The following ZNF644 variants were observed in gnomAD, a reference collection of about 807,000 sequenced individuals.
ZNF644 encodes the protein zinc finger motif enhancer binding protein 2.
In ZNF644, 20 loss-of-function variants were observed where a neutral mutation model predicts 108.0. That is an observed-to-expected ratio of 0.19 (90% CI 0.13 to 0.27). The LOEUF (loss-of-function observed/expected upper bound fraction) is 0.27, where lower values mean the gene tolerates loss of function less well. ZNF644 is among the 10% of genes least tolerant of loss of function. The probability of loss-of-function intolerance (pLI) is 1.00; values close to 1 mark genes in which losing one functional copy is unlikely to be tolerated. For synonymous variants in ZNF644, 542 were observed against 539.1 expected, an observed-to-expected ratio of 1.01 and a Z score of -0.08; for missense variants, 1,338 against 1,548.9, an observed-to-expected ratio of 0.86 and a Z score of 2.29.
chr1:90,935,657 T>A, intron 4 of ZNF644: 1 of 569,362 alleles, frequency 1.8e-6, no homozygotes, highest in Non-Finnish European at 2.2e-6. Context: ...TAGGTTAACT[T>A]AAAATAAGGA....
intron 1 of ZNF644, among the ~76,000 whole-genome samples, chr1:90,993,808 GACA>G (rs1198902696): frequency 2.0e-5 from 3 of 152,098 alleles, no homozygotes; most frequent in Non-Finnish European, 4.4e-5. Flanking sequence ...ATTGTTCCTA[GACA>G]ACTTTACTGG....
intron 4 of ZNF644, among the ~76,000 whole-genome samples, chr1:90,937,013 G>A (rs1651390124): frequency 6.6e-6 from 1 of 152,158 alleles, no homozygotes; most frequent in South Asian, 2.1e-4. Context: ...TCAGCTTTAA[G>A]AGTCTGTTTT....
At chr1:90,923,055 T>C (rs527594000) in intron 4 of ZNF644, among the ~76,000 whole-genome samples, 17 of 152,256 alleles carry the variant, frequency 1.1e-4, no homozygotes, top group African/African-American at 2.4e-4. Flanking sequence ...AGAAAGCCAA[T>C]TGCTGAGAAG....
intron 1 of ZNF644, among the ~76,000 whole-genome samples, chr1:91,017,235 C>T (rs954303122): frequency 9.9e-5 from 15 of 152,214 alleles, no homozygotes; most frequent in African/African-American, 3.1e-4. Flanking sequence ...AACCCAGCTT[C>T]AATTCTACCA....
At position 90,969,684 on chromosome 1, in the gene ZNF644, T is replaced by C. The variant is rs1655266048; in HGVS notation, c.44+12626A>G. Among the ~76,000 whole-genome samples the C allele has an allele frequency of 2.0e-5, 3 of 152,324 alleles. No individual in the cohort carries two copies. The East Asian group carries it at 5.8e-4, about 29-fold the overall frequency. ...ATCAACTGTCTAGGTATCGTAGTGC[T>C]TGTGCTAAGTAAACCTTACTTTACT... On this transcript the variant is annotated intron_variant, in intron 2 of 5. Coordinates refer to ENST00000337393, the MANE Select transcript of ZNF644 (RefSeq NM_201269.3).
chr1:90,945,818 G>A (rs866146781), intron 2 of ZNF644, among the ~76,000 whole-genome samples: 1 of 151,974 alleles, frequency 6.6e-6, no homozygotes, highest in African/African-American at 2.4e-5. Context: ...TTGCAAGTAG[G>A]TTAACATTTT....
At position 90,987,267 on chromosome 1, in the gene ZNF644, T is replaced by TAA. The variant is rs376546432; in HGVS notation, c.-17-4899_-17-4898dup. Among the ~76,000 whole-genome samples, 249 of 108,802 alleles carry TAA rather than the reference T, an allele frequency of 2.3e-3. 2 individuals are homozygous for TAA. The highest frequency in any genetic ancestry group is 7.7e-3 in the African/African-American group (229 of 29,698). The allele number at this position is 108,802 out of a possible 152,430, so 71.4% of individuals were successfully genotyped here. A position where few individuals can be genotyped will look rare whatever the true frequency, so the allele number is the denominator to read the frequency against. On this transcript the variant is annotated intron_variant, in intron 1 of 5. Transcript: ENST00000337393. ...GTTGGTTTTTTTTTTTTTTTTTTTT[T>TAA]AAAAAAAGATCAACAAAATCAATAA...
intron 4 of ZNF644, chr1:90,935,488 G>A (rs1651217442): frequency 2.0e-6 from 2 of 985,714 alleles, no homozygotes; most frequent in Non-Finnish European, 1.2e-6. Flanking sequence ...ACTTGTAAAC[G>A]TCGTATTGCA....
At chr1:90,972,248 A>AG (rs1246272763) in intron 2 of ZNF644, among the ~76,000 whole-genome samples, 1 of 152,232 alleles carries the variant, frequency 6.6e-6, no homozygotes, top group East Asian at 1.9e-4. Flanking sequence ...GTTATCTAAC[A>AG]AGGGATTAAT....
chr1:90,916,684 T>TC lies in ZNF644; in HGVS notation c.*113dup. The TC allele has an allele frequency of 3.5e-6, 4 of 1,139,394 alleles. No homozygotes were observed. The highest frequency in any genetic ancestry group is 3.9e-6 in the Non-Finnish European group (3 of 774,942). The allele number at this position is 1,139,394 out of a possible 1,614,324, so 70.6% of individuals were successfully genotyped here. On this transcript the variant is annotated 3_prime_UTR_variant, in exon 6 of 6. Transcript: ENST00000337393. ...GCTCTGATGTCACTGTAATTCACTT[T>TC]CCCCCCATTTTCCTGCTTTAGTATT...
At chr1:91,000,429 T>G (rs1180876617) in intron 1 of ZNF644, among the ~76,000 whole-genome samples, 1 of 152,182 alleles carries the variant, frequency 6.6e-6, no homozygotes, top group Non-Finnish European at 1.5e-5. Flanking sequence ...AACCTGCTCC[T>G]GAATAACTAT....
At chr1:90,930,294 C>T (rs1035857372) in intron 4 of ZNF644, among the ~76,000 whole-genome samples, 2 of 152,122 alleles carry the variant, frequency 1.3e-5, no homozygotes, top group Non-Finnish European at 2.9e-5. Context: ...CTCACACACA[C>T]ACACACAAAA....
At chr1:90,958,088 CGAGAA>C (rs1653929735) in intron 2 of ZNF644, among the ~76,000 whole-genome samples, 1 of 151,322 alleles carries the variant, frequency 6.6e-6, no homozygotes, top group Admixed American at 6.6e-5. Context: ...TGGCCAACAG[CGAGAA>C]ACCCTGTCTC....
At chr1:91,004,433 A>C (rs1659212754) in intron 1 of ZNF644, among the ~76,000 whole-genome samples, 1 of 152,232 alleles carries the variant, frequency 6.6e-6, no homozygotes, top group South Asian at 2.1e-4. Context: ...AGACTCGACC[A>C]TGAATTCTAC....
intron 2 of ZNF644, among the ~76,000 whole-genome samples, chr1:90,946,081 G>A (rs1251974431): frequency 6.6e-6 from 1 of 152,000 alleles, no homozygotes; most frequent in Non-Finnish European, 1.5e-5. Flanking sequence ...GGGTCAAGAA[G>A]AGAAAACAAT....
At chr1:90,928,241 C>T (rs192267457) in intron 4 of ZNF644, among the ~76,000 whole-genome samples, 1 of 151,870 alleles carries the variant, frequency 6.6e-6, no homozygotes, top group African/African-American at 2.4e-5. Context: ...CAACCTGCAC[C>T]TCCCAGGTTC....
intron 2 of ZNF644, among the ~76,000 whole-genome samples, chr1:90,978,191 A>G (rs2101428493): frequency 6.6e-6 from 1 of 152,250 alleles, no homozygotes; most frequent in African/African-American, 2.4e-5. Context: ...ATCTCTACTA[A>G]AAATACTAAA....
rs377271064 is a variant in ZNF644, at chr1:90,937,554, C to T, written c.3619G>A (p.Val1207Ile). 69 of 1,613,710 alleles carry T rather than the reference C, an allele frequency of 4.3e-5. No homozygotes were observed. Among genetic ancestry groups the T allele is most frequent in the South Asian group, 8.8e-5 (8 of 91,080 alleles). The change falls in exon 4 of 6, where the codon GTT becomes ATT. Residue 1207 changes from valine (V) to isoleucine (I), a missense_variant. Transcript: ENST00000337393. Reference protein sequence around the residue: ...TARKRFVQKCVLPLNEDSPLM... With the variant: ...TARKRFVQKCILPLNEDSPLM... ...GGACTATCCTCATTTAATGGAAGAACGCATTTCTGAACGAATCTCTTTCTT... is the reference window on the plus strand; with the variant it reads ...GGACTATCCTCATTTAATGGAAGAATGCATTTCTGAACGAATCTCTTTCTT...
intron 1 of ZNF644, among the ~76,000 whole-genome samples, chr1:91,002,473 CAT>C (rs1183925744): frequency 6.6e-6 from 1 of 152,146 alleles, no homozygotes; most frequent in African/African-American, 2.4e-5. Flanking sequence ...ACTGGCTAGC[CAT>C]ATGTAGAAAG....
Sources: gnomAD v4.1 joint callset for allele counts (sites outside exome capture counted in the v4.1 genomes callset) on GRCh38, gnomAD v4.1.1 for gene constraint, MANE v1.5 for transcripts, NCBI Gene and HGNC (gene_info 2026-07-23, HGNC 2026-07-21) for gene names.